The following SSH2 variants were observed in gnomAD, a reference collection of about 807,000 sequenced individuals.
SSH2 encodes the protein slingshot protein phosphatase 2.
A neutral mutation model predicts 135.2 loss-of-function variants in SSH2; 37 were observed. The ratio of observed to expected loss-of-function variants is 0.27; its 90% CI spans 0.21 to 0.36. The LOEUF (loss-of-function observed/expected upper bound fraction) is 0.36, where lower values mean the gene tolerates loss of function less well. SSH2 is among the 10% of genes least tolerant of loss of function. The pLI is 1.00. For synonymous variants in SSH2, 628 were observed against 646.2 expected, an observed-to-expected ratio of 0.97 and a Z score of 0.43; for missense variants, 1,408 against 1,765.3, an observed-to-expected ratio of 0.80 and a Z score of 3.63.
chr17:29,672,361 G>A (rs1051929012), intron 8 of SSH2, among the ~76,000 whole-genome samples: 4 of 152,176 alleles, frequency 2.6e-5, no homozygotes, highest in South Asian at 2.1e-4. Flanking sequence ...GGGAGAAGGC[G>A]GGGAAGGACA....
chr17:29,843,848 T>C (rs1481025947), intron 2 of SSH2, among the ~76,000 whole-genome samples: 4 of 152,154 alleles, frequency 2.6e-5, no homozygotes, highest in African/African-American at 7.2e-5. Flanking sequence ...ATCTTCTCTC[T>C]CTCTCAAGCC....
chr17:29,656,299 C>A (rs1476717817), intron 11 of SSH2, among the ~76,000 whole-genome samples: 2 of 152,182 alleles, frequency 1.3e-5, no homozygotes. Context: ...GCCTCAGCCT[C>A]CTGAGTAGCT....
chr17:29,905,551 G>C (rs1229573182), intron 1 of SSH2, among the ~76,000 whole-genome samples: 2 of 152,216 alleles, frequency 1.3e-5, no homozygotes, highest in Non-Finnish European at 1.5e-5. Context: ...CCTCAACCCA[G>C]ATGTGCCTGC....
intron 2 of SSH2, among the ~76,000 whole-genome samples, chr17:29,825,885 A>G (rs1358362747): frequency 2.0e-5 from 3 of 152,194 alleles, no homozygotes; most frequent in Non-Finnish European, 4.4e-5. Flanking sequence ...CACAGCCCTA[A>G]AAGCAGGTTT....
chr17:29,673,463 G>A (rs997521444), intron 8 of SSH2, among the ~76,000 whole-genome samples: 2 of 151,984 alleles, frequency 1.3e-5, no homozygotes, highest in South Asian at 2.1e-4. Flanking sequence ...CTAGGTACTC[G>A]GGAGGCTGAG....
intron 3 of SSH2, among the ~76,000 whole-genome samples, chr17:29,727,091 G>A (rs1405526026): frequency 2.6e-5 from 4 of 152,202 alleles, no homozygotes; most frequent in African/African-American, 9.7e-5. Context: ...AACAGCTGCA[G>A]AGAATGCTTT....
At chr17:29,723,430 T>C (rs2039886785) in intron 3 of SSH2, among the ~76,000 whole-genome samples, 1 of 152,236 alleles carries the variant, frequency 6.6e-6, no homozygotes, top group Admixed American at 6.5e-5. Context: ...CTTTATATAG[T>C]GCCCAGTGTA....
chr17:29,683,627 T>C (rs377334104), intron 6 of SSH2, among the ~76,000 whole-genome samples: 1 of 152,134 alleles, frequency 6.6e-6, no homozygotes. Context: ...AGTGAATCAT[T>C]ACTGACTACA....
chr17:29,709,649 C>T (rs972408976), intron 3 of SSH2, among the ~76,000 whole-genome samples: 7 of 152,062 alleles, frequency 4.6e-5, no homozygotes, highest in African/African-American at 1.7e-4. Flanking sequence ...TGCACTCCAG[C>T]CTGGGAAACA....
At position 29,744,860 on chromosome 17, in the gene SSH2, A is replaced by AGAGTGT. The variant is rs1165435546; in HGVS notation, c.189-41799_189-41798insACACTC. On this transcript the variant is annotated intron_variant, in intron 3 of 15. Coordinates refer to ENST00000540801, the MANE Select transcript of SSH2 (RefSeq NM_001282129.2). The stretch of plus-strand genomic sequence containing the variant: ...AAGAAGTTTTGCTTTGGATTACTTG[A>AGAGTGT]GTGTGTGTGTGTGTGTGTGTGTGTG... Among the ~76,000 whole-genome samples the AGAGTGT allele has an allele frequency of 1.7e-3, 245 of 140,538 alleles. 1 individual carries two copies. The highest frequency in any genetic ancestry group is 6.3e-3 in the African/African-American group (227 of 36,116). 92.2% of individuals were successfully genotyped at this position (140,538 alleles called of 152,430 possible).
chr17:29,637,939 C>T (rs1385230378), intron 14 of SSH2, among the ~76,000 whole-genome samples: 2 of 151,874 alleles, frequency 1.3e-5, no homozygotes, highest in Admixed American at 1.3e-4. Flanking sequence ...CATGGTGAAA[C>T]CCCGTCTCTA....
intron 12 of SSH2, among the ~76,000 whole-genome samples, chr17:29,654,292 A>C (rs1482617204): frequency 1.3e-5 from 2 of 152,222 alleles, no homozygotes; most frequent in Non-Finnish European, 2.9e-5. Flanking sequence ...AGACTTTCTT[A>C]TTAAGTTTTC....
chr17:29,749,525 A>G (rs2151226085), intron 3 of SSH2, among the ~76,000 whole-genome samples: 1 of 152,260 alleles, frequency 6.6e-6, no homozygotes, highest in Admixed American at 6.5e-5. Flanking sequence ...AGGCACAGTA[A>G]AAATGTGGTA....
chr17:29,687,593 C>G (rs1214415170), intron 5 of SSH2, among the ~76,000 whole-genome samples: 2 of 152,204 alleles, frequency 1.3e-5, no homozygotes, highest in African/African-American at 4.8e-5. Flanking sequence ...GGAGGCAGTA[C>G]TGACTCCTTC....
At chr17:29,715,693 C>T (rs1278478077) in intron 3 of SSH2, among the ~76,000 whole-genome samples, 1 of 152,146 alleles carries the variant, frequency 6.6e-6, no homozygotes, top group African/African-American at 2.4e-5. Context: ...CTGTTTAGCA[C>T]ATTACCTGAC....
chr17:29,829,958 G>C (rs2042813997), intron 2 of SSH2, among the ~76,000 whole-genome samples: 1 of 151,132 alleles, frequency 6.6e-6, no homozygotes, highest in Non-Finnish European at 1.5e-5. Context: ...TCCTGCCTCA[G>C]CCTCCCGAGT....
chr17:29,884,328 T>C (rs1313904053), intron 1 of SSH2, among the ~76,000 whole-genome samples: 1 of 152,224 alleles, frequency 6.6e-6, no homozygotes, highest in African/African-American at 2.4e-5. Flanking sequence ...CACTATTTTC[T>C]ACTGGTCTTC....
At chr17:29,777,984 T>C (rs2041747639) in intron 3 of SSH2, among the ~76,000 whole-genome samples, 1 of 151,856 alleles carries the variant, frequency 6.6e-6, no homozygotes, top group South Asian at 2.1e-4. Context: ...ATTCTTCTCT[T>C]CTGATATGAT....
At chr17:29,806,407 C>T (rs1388254879) in intron 2 of SSH2, among the ~76,000 whole-genome samples, 1 of 152,172 alleles carries the variant, frequency 6.6e-6, no homozygotes, top group Non-Finnish European at 1.5e-5. Flanking sequence ...ACAGGTTGCT[C>T]CTCTTGTGTT....
Sources: allele counts gnomAD v4.1 joint callset (sites outside exome capture counted in the v4.1 genomes callset), GRCh38; gene constraint gnomAD v4.1.1; transcripts MANE v1.5; gene names NCBI Gene and HGNC (gene_info 2026-07-23, HGNC 2026-07-21).